Variants in CEP120 observed in about 807,000 individuals in gnomAD.
CEP120 encodes centrosomal protein of 120 kDa.
In CEP120, 113 loss-of-function variants were observed where a neutral mutation model predicts 126.5. The observed-to-expected ratio is 0.89, with a 90% CI of 0.77 to 1.04. The LOEUF (loss-of-function observed/expected upper bound fraction) is 1.04. CEP120 is among the 50% of genes least tolerant of loss of function. CEP120 has a pLI of 0.00. For missense variants in CEP120, 1,230 were observed against 1,155.7 expected (o/e 1.06, Z -0.93); for synonymous variants, 400 against 394.3 (o/e 1.01, Z -0.17).
rs1771928962 is a variant in CEP120 at position 123,385,119 on chromosome 5, A to G, written c.1595T>C (p.Val532Ala). ...CATTTTATCCTTGTGCCATAGTTCA[A>G]CCAGTAATGGAATCCTAAGGAAGAG... ...QDTFLRIPLL[V>A]ELWHKDKMSK... The change falls in exon 11 of 20, where the codon GTT (valine) becomes GCT (alanine). Residue 532 changes from valine (V) to alanine (A), a missense_variant. Val to Ala is a moderately conservative substitution (Grantham distance 64, BLOSUM62 0). Coordinates refer to ENST00000306467, the MANE Select transcript of CEP120 (RefSeq NM_001375405.1). 1.2e-6 allele frequency: 2 copies of G among 1,612,372 alleles called. No homozygotes were observed. The highest frequency in any genetic ancestry group is 1.3e-5 in the African/African-American group (1 of 74,832).
At chr5:123,420,660 C>T (rs189686316) in intron 1 of CEP120, among the ~76,000 whole-genome samples, 1 of 152,144 alleles carries the variant, frequency 6.6e-6, no homozygotes, top group East Asian at 1.9e-4. Flanking sequence ...AAAGATCATC[C>T]CCAGGGAGTA....
chr5:123,363,459 T>C (rs1770236697), intron 18 of CEP120, among the ~76,000 whole-genome samples: 1 of 151,390 alleles, frequency 6.6e-6, no homozygotes, highest in Non-Finnish European at 1.5e-5. Flanking sequence ...ATTGTACATG[T>C]AAGACACTGC....
intron 1 of CEP120, among the ~76,000 whole-genome samples, chr5:123,419,276 G>A (rs1774566771): frequency 6.6e-6 from 1 of 152,214 alleles, no homozygotes. Flanking sequence ...ATAGAGAACA[G>A]TCATCTGAAG....
In CEP120 at chr5:123,423,317, GGCGGCCGCA is replaced by G. The variant is rs1774846921; in HGVS notation, c.-328_-320del. On this transcript the variant is annotated 5_prime_UTR_variant, in exon 1 of 20. Coordinates refer to ENST00000306467, the MANE Select transcript of CEP120 (RefSeq NM_001375405.1). ...TGCGTAGCCGCTTTTCAAACGCCCG[GGCGGCCGCA>G]GCGGCCGCCGCCGCGCCCAGCTTCC... 2 of 377,022 alleles carry G rather than the reference GGCGGCCGCA, an allele frequency of 5.3e-6. No homozygotes were observed. The highest frequency in any genetic ancestry group is 7.5e-5 in the South Asian group (2 of 26,518). 23.4% of individuals were successfully genotyped at this position (377,022 alleles called of 1,614,324 possible).
In CEP120 at chr5:123,420,814, T is replaced by C. The variant is rs557550509; in HGVS notation, c.49+2136A>G. On this transcript the variant is annotated intron_variant, in intron 1 of 19. Transcript: ENST00000306467. ...GTAAACTCATTCATTCAAAAACTCGTATGTAGAATCTATTATTATTCAGAA... is the reference window on the plus strand; with the variant it reads ...GTAAACTCATTCATTCAAAAACTCGCATGTAGAATCTATTATTATTCAGAA... Among the ~76,000 whole-genome samples the C allele has an allele frequency of 2.0e-5, 3 of 152,362 alleles. No individual in the cohort carries two copies. The East Asian group carries it at 5.8e-4, about 29-fold the overall frequency.
At chr5:123,371,814 A>C (rs1292707499) in intron 17 of CEP120, among the ~76,000 whole-genome samples, 1 of 152,238 alleles carries the variant, frequency 6.6e-6, no homozygotes, top group East Asian at 1.9e-4. Flanking sequence ...GAAGCCTTCA[A>C]CACAAAGCTG....
chr5:123,368,130 T>A (rs1408301187), intron 17 of CEP120, among the ~76,000 whole-genome samples: 28 of 151,998 alleles, frequency 1.8e-4, no homozygotes, highest in Non-Finnish European at 3.7e-4. Flanking sequence ...TTTAATGATT[T>A]CTATCCTTCT....
chr5:123,401,190 T>G, intron 4 of CEP120: 1 of 1,612,514 alleles, frequency 6.2e-7, no homozygotes, highest in South Asian at 1.1e-5. Flanking sequence ...GATCTCGATG[T>G]CCAGGGCCAG....
intron 18 of CEP120, among the ~76,000 whole-genome samples, chr5:123,355,783 T>G (rs1001758302): frequency 5.3e-5 from 8 of 151,802 alleles, no homozygotes; most frequent in Non-Finnish European, 1.2e-4. Context: ...GCTCTTTAAT[T>G]AGATCCCATT....
intron 19 of CEP120, 147 bp downstream of exon 19, chr5:123,349,797 C>A (rs1041500796): frequency 1.5e-6 from 1 of 647,706 alleles, no homozygotes; most frequent in Non-Finnish European, 2.5e-6. Flanking sequence ...CGCCACAGTA[C>A]CCAGCTGGCA....
At position 123,378,621 on chromosome 5, in the gene CEP120, C is replaced by T. The variant is rs1246501996; in HGVS notation, c.2104-193G>A. The stretch of plus-strand genomic sequence containing the variant: ...TTGAGACTGGTGATGGTCATATTTC[C>T]TCCTCTTGGTCTTTTTTCTTCTCCA... On this transcript the variant is annotated intron_variant, in intron 14 of 19. Transcript: ENST00000306467. 2.0e-5 allele frequency among the ~76,000 whole-genome samples: 3 copies of T among 151,992 alleles called. No homozygotes were observed. In the East Asian group the frequency reaches 5.8e-4, roughly 29 times the overall value.
At chr5:123,401,546 T>A in intron 4 of CEP120, 1 of 1,326,684 alleles carries the variant, frequency 7.5e-7, no homozygotes, top group East Asian at 2.3e-5. Context: ...CTCCTCGTAC[T>A]GTGCCTTGAC....
At chr5:123,384,774 G>A (rs967775061) in intron 11 of CEP120, among the ~76,000 whole-genome samples, 177 bp downstream of exon 11, 4 of 152,030 alleles carry the variant, frequency 2.6e-5, no homozygotes, top group Admixed American at 6.6e-5. Context: ...AAAGCTAAAG[G>A]GCAAAGTGGG....
intron 5 of CEP120, among the ~76,000 whole-genome samples, chr5:123,394,909 T>C (rs1263909623): frequency 1.3e-5 from 2 of 152,224 alleles, no homozygotes; most frequent in Non-Finnish European, 2.9e-5. Context: ...AATCACTGTG[T>C]GTATGCACTT....
chr5:123,415,224 G>C (rs140587371), intron 3 of CEP120, among the ~76,000 whole-genome samples: 53 of 152,244 alleles, frequency 3.5e-4, no homozygotes, highest in Non-Finnish European at 6.9e-4. Context: ...TAGCAGCTGA[G>C]TTTGGGGTGG....
At chr5:123,390,937 A>G (rs912348041) in intron 7 of CEP120, 173 bp downstream of exon 7, 19 of 591,218 alleles carry the variant, frequency 3.2e-5, no homozygotes, top group African/African-American at 3.2e-4. Flanking sequence ...TCACTTATAA[A>G]CCATAACAGA....
intron 8 of CEP120, among the ~76,000 whole-genome samples, chr5:123,389,211 G>C (rs772239165): frequency 6.6e-6 from 1 of 152,092 alleles, no homozygotes; most frequent in African/African-American, 2.4e-5. Context: ...TATTAAATCA[G>C]ATAAATATGC....
At chr5:123,375,304 A>G (rs549005969) in intron 16 of CEP120, among the ~76,000 whole-genome samples, 3 of 151,868 alleles carry the variant, frequency 2.0e-5, no homozygotes, top group African/African-American at 7.2e-5. Flanking sequence ...ACTACACCAT[A>G]TACAACACCA....
rs1457750806 is a variant in CEP120 at position 123,403,326 on chromosome 5, T to C, written c.464-4042A>G. On this transcript the variant is annotated intron_variant, in intron 4 of 19. Coordinates refer to ENST00000306467, the MANE Select transcript of CEP120 (RefSeq NM_001375405.1). ...GAGACAGAGTAAGCACAAGATGAGCTTGGAACATCTTGCTGTGCCTGAAAA... is the reference window on the plus strand; with the variant it reads ...GAGACAGAGTAAGCACAAGATGAGCCTGGAACATCTTGCTGTGCCTGAAAA... 8.8e-6 allele frequency: 4 copies of C among 455,906 alleles called. No homozygotes were observed. The East Asian group carries it at 2.1e-4, about 24-fold the overall frequency. The allele number at this position is 455,906 out of a possible 1,614,324, so 28.2% of individuals were successfully genotyped here. A position where few individuals can be genotyped will look rare whatever the true frequency, so the allele number is the denominator to read the frequency against.
Sources: gnomAD v4.1 joint callset for allele counts (sites outside exome capture counted in the v4.1 genomes callset) on GRCh38, gnomAD v4.1.1 for gene constraint, MANE v1.5 for transcripts, NCBI Gene and HGNC (gene_info 2026-07-23, HGNC 2026-07-21) for gene names.